ATG10: variants seen among roughly 807,000 people sequenced by gnomAD.
The protein encoded by ATG10 is ubiquitin-like-conjugating enzyme ATG10.
Under a neutral mutation model 32.1 loss-of-function variants are expected in ATG10, and 30 were observed. The ratio of observed to expected loss-of-function variants is 0.94; its 90% CI spans 0.70 to 1.27. The LOEUF (loss-of-function observed/expected upper bound fraction) is 1.27. ATG10 is among the 50% of genes most tolerant of loss of function. The pLI is 0.00. For missense variants in ATG10, 233 were observed against 262.3 expected (o/e 0.89, Z 0.77); for synonymous variants, 87 against 91.5 (o/e 0.95, Z 0.28).
chr5:82,165,160 G>T (rs1003418371), intron 4 of ATG10, among the ~76,000 whole-genome samples: 4 of 152,184 alleles, frequency 2.6e-5, no homozygotes, highest in African/African-American at 4.8e-5. Flanking sequence ...TCACTCTGCA[G>T]CACAGCCATG....
At chr5:82,083,515 A>G (rs561689427) in intron 3 of ATG10, among the ~76,000 whole-genome samples, 2 of 152,284 alleles carry the variant, frequency 1.3e-5, no homozygotes, top group African/African-American at 4.8e-5. Context: ...GAGATCTGAG[A>G]ACGGACAGAC....
At chr5:82,168,700 A>T (rs1743678121) in intron 4 of ATG10, among the ~76,000 whole-genome samples, 1 of 152,232 alleles carries the variant, frequency 6.6e-6, no homozygotes, top group African/African-American at 2.4e-5. Context: ...AACAGGGCAA[A>T]AGAAATAATC....
intron 2 of ATG10, among the ~76,000 whole-genome samples, chr5:82,036,809 A>T (rs948580800): frequency 6.6e-6 from 1 of 151,894 alleles, no homozygotes; most frequent in South Asian, 2.1e-4. Flanking sequence ...TGGATATTTG[A>T]CATATAACTC....
At chr5:81,988,954 A>C (rs1761372473) in intron 2 of ATG10, among the ~76,000 whole-genome samples, 1 of 151,822 alleles carries the variant, frequency 6.6e-6, no homozygotes, top group Non-Finnish European at 1.5e-5. Context: ...TCAGCCTCCC[A>C]AGTAGTAGCT....
At chr5:82,209,259 G>GT (rs1459578351) in intron 5 of ATG10, among the ~76,000 whole-genome samples, 2 of 151,750 alleles carry the variant, frequency 1.3e-5, no homozygotes, top group African/African-American at 2.4e-5. Context: ...TAACTTCATG[G>GT]TTTTTTTCTA....
intron 5 of ATG10, among the ~76,000 whole-genome samples, chr5:82,186,050 G>C (rs1468820626): frequency 6.6e-6 from 1 of 152,184 alleles, no homozygotes; most frequent in Non-Finnish European, 1.5e-5. Context: ...GCACCTGGTA[G>C]TATCTGTGTG....
At chr5:82,075,426 T>C (rs1342183655) in intron 3 of ATG10, among the ~76,000 whole-genome samples, 1 of 152,192 alleles carries the variant, frequency 6.6e-6, no homozygotes, top group Non-Finnish European at 1.5e-5. Flanking sequence ...GTTAGATTTA[T>C]TAAGAAAAAT....
intron 3 of ATG10, among the ~76,000 whole-genome samples, chr5:82,145,442 A>G (rs1767312470): frequency 6.6e-6 from 1 of 152,070 alleles, no homozygotes; most frequent in Non-Finnish European, 1.5e-5. Context: ...TTAATTTGGT[A>G]ATTAAGATAT....
chr5:82,173,748 T>G (rs1210002771), intron 4 of ATG10, among the ~76,000 whole-genome samples: 1 of 152,020 alleles, frequency 6.6e-6, no homozygotes, highest in African/African-American at 2.4e-5. Context: ...AACGAAGGAG[T>G]TGTTGATTGA....
In ATG10 at chr5:82,230,095, T is replaced by C. The variant is rs143158431; in HGVS notation, c.454-22467T>C. Among the ~76,000 whole-genome samples the C allele has an allele frequency of 9.6e-3, 1,465 of 152,290 alleles. 7 individuals carry two copies. Among genetic ancestry groups the C allele is most frequent in the Non-Finnish European group, 0.015 (996 of 68,002 alleles). On this transcript the variant is annotated intron_variant, in intron 5 of 7. Coordinates refer to ENST00000282185, the MANE Select transcript of ATG10 (RefSeq NM_031482.5). ...CCTTTGCATGTTCTCTTGCATCAGG[T>C]CACTAATTCCTGAAGGTTGCAGCCT...
chr5:82,226,663 G>A (rs1194966296), intron 5 of ATG10, among the ~76,000 whole-genome samples: 2 of 152,140 alleles, frequency 1.3e-5, no homozygotes, highest in Non-Finnish European at 2.9e-5. Context: ...CTGTAACAGT[G>A]ATTCCTTAGT....
chr5:82,141,666 A>C (rs893031818), intron 3 of ATG10, among the ~76,000 whole-genome samples: 1 of 152,182 alleles, frequency 6.6e-6, no homozygotes, highest in African/African-American at 2.4e-5. Flanking sequence ...AAAAAGGAAA[A>C]TAATAATGAG....
At chr5:82,142,400 C>T (rs1221527446) in intron 3 of ATG10, among the ~76,000 whole-genome samples, 2 of 152,038 alleles carry the variant, frequency 1.3e-5, no homozygotes, top group African/African-American at 4.8e-5. Flanking sequence ...TAGGCATTTT[C>T]TAGGTGGGAA....
chr5:82,123,213 C>T (rs1325003225), intron 3 of ATG10, among the ~76,000 whole-genome samples: 1 of 152,156 alleles, frequency 6.6e-6, no homozygotes, highest in Non-Finnish European at 1.5e-5. Flanking sequence ...TCTGTGGGAA[C>T]ACAGACGTAG....
intron 2 of ATG10, among the ~76,000 whole-genome samples, chr5:82,037,226 C>G (rs1373084927): frequency 5.1e-5 from 6 of 117,064 alleles, no homozygotes; most frequent in Non-Finnish European, 1.1e-4. Flanking sequence ...GTAATAAGAT[C>G]TCATTTACTT....
At chr5:82,028,368 T>C (rs1762650940) in intron 2 of ATG10, among the ~76,000 whole-genome samples, 1 of 152,188 alleles carries the variant, frequency 6.6e-6, no homozygotes, top group African/African-American at 2.4e-5. Context: ...GGATGAAATA[T>C]TGAAGGTGGT....
chr5:82,140,127 C>A (rs367737206), intron 3 of ATG10, among the ~76,000 whole-genome samples: 1 of 78,074 alleles, frequency 1.3e-5, no homozygotes, highest in Non-Finnish European at 2.8e-5. Context: ...CGCCTCTGCC[C>A]GGCCGCCCCT....
intron 5 of ATG10, 112 bp downstream of exon 5, chr5:82,178,699 CTT>C (rs1430847237): frequency 5.9e-6 from 4 of 683,416 alleles, no homozygotes; most frequent in Admixed American, 2.8e-5. Context: ...TTGTCTATAT[CTT>C]TACATATTTC....
Position 82,126,930 on chromosome 5 carries a change from A to G in ATG10, c.217-37469A>G, listed in dbSNP as rs1441032896. ...TGATCCTGGGCTTTTTTTGGTTGATAGGCTATTAATTACTGCCTCAGTTTC... is the reference window on the plus strand; with the variant it reads ...TGATCCTGGGCTTTTTTTGGTTGATGGGCTATTAATTACTGCCTCAGTTTC... On this transcript the variant is annotated intron_variant, in intron 3 of 7. Transcript: ENST00000282185. Among the ~76,000 whole-genome samples the G allele has an allele frequency of 2.0e-5, 3 of 152,174 alleles. No individual in the cohort carries two copies. The South Asian group carries it at 6.2e-4, about 32-fold the overall frequency.
Sources: allele counts gnomAD v4.1 joint callset (sites outside exome capture counted in the v4.1 genomes callset), GRCh38; gene constraint gnomAD v4.1.1; transcripts MANE v1.5; gene names NCBI Gene and HGNC (gene_info 2026-07-23, HGNC 2026-07-21).